The following ICA1 variants were observed in gnomAD, a reference collection of about 807,000 sequenced individuals.
The protein encoded by ICA1 is 69 kDa islet cell autoantigen.
In ICA1, 40 loss-of-function variants were observed where a neutral mutation model predicts 71.0. That is an observed-to-expected ratio of 0.56 (90% confidence interval 0.44 to 0.73). ICA1 has a LOEUF of 0.73. ICA1 is among the 30% of genes least tolerant of loss of function. The pLI is 0.00. For synonymous variants in ICA1, 207 were observed against 209.5 expected, an observed-to-expected ratio of 0.99 and a Z score of 0.10; for missense variants, 578 against 576.5, an observed-to-expected ratio of 1.00 and a Z score of -0.03.
chr7:8,184,208 A>G (rs2128277010), intron 6 of ICA1, among the ~76,000 whole-genome samples: 1 of 152,196 alleles, frequency 6.6e-6, no homozygotes, highest in East Asian at 1.9e-4. Flanking sequence ...GCTCAGGTGC[A>G]TTTTGAAGTG....
At chr7:8,258,421 C>G (rs748026785) in intron 1 of ICA1, among the ~76,000 whole-genome samples, 15 of 152,180 alleles carry the variant, frequency 9.9e-5, no homozygotes, top group Admixed American at 6.5e-4. Context: ...ATCATTTCCC[C>G]ACCTTTTCAT....
rs1450976047 is a variant in ICA1, at chr7:8,174,418, C to T, written c.580-15766G>A. Among the ~76,000 whole-genome samples, 176 of 151,938 alleles carry T rather than the reference C, an allele frequency of 1.2e-3. 2 individuals carry two copies. The highest frequency in any genetic ancestry group is 1.8e-4 in the Non-Finnish European group (12 of 67,968). On this transcript the variant is annotated intron_variant, in intron 6 of 13. Transcript: ENST00000402384. ...GTATGCTTTTATAACGAACCTAGTG[C>T]ACTAGAAATGAATGAGCTTTAAATG...
chr7:8,170,466 A>ATT (rs1430410240), intron 6 of ICA1, among the ~76,000 whole-genome samples: 1 of 151,880 alleles, frequency 6.6e-6, no homozygotes, highest in Non-Finnish European at 1.5e-5. Flanking sequence ...CCAGGAATGC[A>ATT]TTCTCTCTCT....
intron 6 of ICA1, among the ~76,000 whole-genome samples, chr7:8,208,473 T>C (rs1792422196): frequency 6.6e-6 from 1 of 152,194 alleles, no homozygotes; most frequent in South Asian, 2.1e-4. Flanking sequence ...ACGAGTGTGC[T>C]GGGCTAACCC....
chr7:8,162,945 G>A (rs968718758), intron 6 of ICA1, among the ~76,000 whole-genome samples: 2 of 152,180 alleles, frequency 1.3e-5, no homozygotes, highest in Non-Finnish European at 2.9e-5. Context: ...TGTATTTTTA[G>A]TAGAGATACG....
chr7:8,139,408 A>G (rs1794468431), intron 10 of ICA1, among the ~76,000 whole-genome samples: 1 of 152,260 alleles, frequency 6.6e-6, no homozygotes, highest in Non-Finnish European at 1.5e-5. Context: ...ACTAAGTGAA[A>G]GAAGTCAATC....
intron 12 of ICA1, among the ~76,000 whole-genome samples, chr7:8,134,349 A>G (rs978195914): frequency 6.6e-6 from 1 of 152,226 alleles, no homozygotes; most frequent in Admixed American, 6.5e-5. Context: ...GAAATTGGTG[A>G]CAGCTCACTC....
At chr7:8,238,774 C>G (rs912849941) in intron 1 of ICA1, among the ~76,000 whole-genome samples, 4 of 152,170 alleles carry the variant, frequency 2.6e-5, no homozygotes, top group Middle Eastern at 3.2e-3. Context: ...GATTTCCAGG[C>G]TATTCCCAGA....
intron 6 of ICA1, among the ~76,000 whole-genome samples, chr7:8,207,847 T>TAATA (rs1792153482): frequency 6.6e-6 from 1 of 152,226 alleles, no homozygotes; most frequent in South Asian, 2.1e-4. Flanking sequence ...AGTTTTCTAT[T>TAATA]GGATCATTCT....
chr7:8,160,768 G>C (rs566956909), intron 6 of ICA1, among the ~76,000 whole-genome samples: 7 of 152,178 alleles, frequency 4.6e-5, no homozygotes, highest in African/African-American at 1.7e-4. Context: ...ACCATACCAT[G>C]AGCTGGACGG....
At chr7:8,250,955 C>T (rs1440236821) in intron 1 of ICA1, among the ~76,000 whole-genome samples, 2 of 133,680 alleles carry the variant, frequency 1.5e-5, no homozygotes, top group Non-Finnish European at 3.1e-5. Context: ...GGCTGGAGTG[C>T]AATTGTGACA....
intron 6 of ICA1, among the ~76,000 whole-genome samples, chr7:8,169,726 A>G (rs1344047110): frequency 6.6e-6 from 1 of 152,066 alleles, no homozygotes; most frequent in Admixed American, 6.6e-5. Flanking sequence ...AGAGTTCTTT[A>G]TATGTTCTAA....
chr7:8,133,766 A>G lies in ICA1; in HGVS notation c.1060+5074T>C, dbSNP rs1792320020. Reference sequence around the variant, plus strand: ...TAGCCATCTGGAAAGCCTTCATTCAATTTGGCAAAACTTCTCTACTTGCCA... The same window carrying G: ...TAGCCATCTGGAAAGCCTTCATTCAGTTTGGCAAAACTTCTCTACTTGCCA... On this transcript the variant is annotated intron_variant, in intron 12 of 13. Transcript: ENST00000402384. 4.0e-5 allele frequency among the ~76,000 whole-genome samples: 6 copies of G among 151,382 alleles called. No individual in the cohort carries two copies. In the South Asian group the frequency reaches 1.2e-3, roughly 31 times the overall value.
At chr7:8,231,030 G>A (rs1800114730) in intron 3 of ICA1, among the ~76,000 whole-genome samples, 2 of 151,550 alleles carry the variant, frequency 1.3e-5, no homozygotes, top group African/African-American at 4.9e-5. Context: ...TGAGAGATGA[G>A]TACTACGAAT....
rs1335846546 is a variant in ICA1, at chr7:8,149,128, T to C, written c.805-5156A>G. Among the ~76,000 whole-genome samples, 3 of 152,244 alleles carry C rather than the reference T, an allele frequency of 2.0e-5. No homozygotes were observed. The East Asian group carries it at 5.8e-4, about 29-fold the overall frequency. On this transcript the variant is annotated intron_variant, in intron 8 of 13. Transcript: ENST00000402384. Reference sequence around the variant, plus strand: ...TGAATCTAAGAGGCCTCTCTGACTATGTATAGACGAGGCAGCCATCAGATG... The same window carrying C: ...TGAATCTAAGAGGCCTCTCTGACTACGTATAGACGAGGCAGCCATCAGATG...
At chr7:8,142,189 G>A in intron 9 of ICA1, 1 of 397,924 alleles carries the variant, frequency 2.5e-6, no homozygotes, top group Non-Finnish European at 4.5e-6. Flanking sequence ...TGTTATAGGA[G>A]AGGACACCTC....
intron 5 of ICA1, among the ~76,000 whole-genome samples, chr7:8,220,543 G>A (rs937681426): frequency 7.2e-5 from 11 of 152,178 alleles, no homozygotes; most frequent in African/African-American, 1.9e-4. Context: ...TAGTTACTGG[G>A]AGAGAAGGGA....
Position 8,214,876 on chromosome 7 carries a change from G to A in ICA1, c.579+3429C>T, listed in dbSNP as rs114824085. 1.1e-3 allele frequency among the ~76,000 whole-genome samples: 161 copies of A among 152,280 alleles called. 3 individuals carry two copies. Among genetic ancestry groups the A allele is most frequent in the African/African-American group, 3.8e-3 (157 of 41,566 alleles). ...GAAGTGAAAATACACTTGAACTTGC[G>A]ATTTATTTATGCTTATTCTACTTAT... is the stretch of plus-strand genomic sequence containing the variant. On this transcript the variant is annotated intron_variant, in intron 6 of 13. Transcript: ENST00000402384.
intron 6 of ICA1, among the ~76,000 whole-genome samples, chr7:8,197,117 G>C (rs747163563): frequency 4.6e-5 from 7 of 151,576 alleles, no homozygotes; most frequent in African/African-American, 1.7e-4. Context: ...TTTAAAAAAT[G>C]TCTTTGGGAA....
Sources: allele counts gnomAD v4.1 joint callset (sites outside exome capture counted in the v4.1 genomes callset), GRCh38; gene constraint gnomAD v4.1.1; transcripts MANE v1.5; gene names NCBI Gene and HGNC (gene_info 2026-07-23, HGNC 2026-07-21).